The following PYROXD2 variants were observed in gnomAD, a reference collection of about 807,000 sequenced individuals.
PYROXD2 encodes the protein pyridine nucleotide-disulfide oxidoreductase domain-containing protein 2.
PYROXD2 carries 69 observed loss-of-function variants against 71.1 expected under a neutral mutation model. The observed-to-expected ratio is 0.97, with a 90% CI of 0.80 to 1.19. The LOEUF (loss-of-function observed/expected upper bound fraction) is 1.19, where lower values mean the gene tolerates loss of function less well. PYROXD2 is among the 50% of genes most tolerant of loss of function. The pLI is 0.00. For missense variants in PYROXD2, 745 were observed against 748.9 expected, an observed-to-expected ratio of 0.99 and a Z score of 0.06; for synonymous variants, 287 against 302.7, an observed-to-expected ratio of 0.95 and a Z score of 0.54.
At chr10:98,387,450 T>C (rs1241731571) in intron 13 of PYROXD2, 143 bp from the exon 14 acceptor site, 4 of 614,320 alleles carry the variant, frequency 6.5e-6, no homozygotes, top group African/African-American at 3.7e-5. Flanking sequence ...TATACCTCAA[T>C]AGGTGAAAAA....
At position 98,390,678 on chromosome 10, in the gene PYROXD2, G is replaced by A; in HGVS notation, c.1212C>T (p.Cys404=). The part of the protein sequence containing the change: ...PRGQPLPHHQ[C]SIHLNCEDTL... ...TGTCTTCACAGTTCAGGTGGATGGAGCATTGGTGATGGGGCAGCGGCTGGC... is the reference window on the plus strand; with the variant it reads ...TGTCTTCACAGTTCAGGTGGATGGAACATTGGTGATGGGGCAGCGGCTGGC... Residue 404 remains cysteine, a synonymous_variant, in exon 12 of 16, where the codon TGC becomes TGT. Coordinates refer to ENST00000370575, the MANE Select transcript of PYROXD2 (RefSeq NM_032709.3). The A allele has an allele frequency of 3.1e-6, 5 of 1,613,248 alleles. No homozygotes were observed. The highest frequency in any genetic ancestry group is 4.2e-6 in the Non-Finnish European group (5 of 1,179,516).
intron 10 of PYROXD2, among the ~76,000 whole-genome samples, chr10:98,391,793 TGGA>T (rs1468087129): frequency 6.6e-6 from 1 of 152,184 alleles, no homozygotes; most frequent in Admixed American, 6.5e-5. Context: ...ACTACCGTGC[TGGA>T]GGAGGACAGA....
intron 7 of PYROXD2, 29 bp from the exon 8 acceptor site, chr10:98,395,322 C>T (rs770314323): frequency 1.5e-5 from 25 of 1,613,838 alleles, no homozygotes; most frequent in Non-Finnish European, 1.9e-5. Flanking sequence ...GAGAGAAGGG[C>T]TTAGGAGCCT....
intron 6 of PYROXD2, 117 bp downstream of exon 6, chr10:98,397,228 A>G (rs1031208793): frequency 7.2e-6 from 10 of 1,380,162 alleles, no homozygotes; most frequent in Non-Finnish European, 9.7e-6. Context: ...CAGCATGTTA[A>G]CTGATCCCAG....
At chr10:98,399,871 C>T (rs1190979248) in intron 5 of PYROXD2, among the ~76,000 whole-genome samples, 1 of 152,220 alleles carries the variant, frequency 6.6e-6, no homozygotes, top group Non-Finnish European at 1.5e-5. Context: ...ATACTGAACA[C>T]ACGCAGGTGA....
chr10:98,397,571 CA>C (rs370056081), intron 5 of PYROXD2, 73 bp from the exon 6 acceptor site: 1 of 1,452,124 alleles, frequency 6.9e-7, no homozygotes, highest in Non-Finnish European at 9.1e-7. Context: ...GATGGCCTGT[CA>C]CCCCCCCACA....
chr10:98,388,808 C>T (rs1423956994), intron 12 of PYROXD2, among the ~76,000 whole-genome samples: 4 of 152,060 alleles, frequency 2.6e-5, no homozygotes, highest in Non-Finnish European at 1.5e-5. Flanking sequence ...AAGGTCCACA[C>T]AGACAGTGGG....
chr10:98,387,804 TTA>T (rs1450581248), intron 13 of PYROXD2: 1 of 173,536 alleles, frequency 5.8e-6, no homozygotes, highest in Non-Finnish European at 1.2e-5. Context: ...GCTAATTTTT[TTA>T]TGTTTTTAGT....
At chr10:98,392,616 T>C (rs6584192) in intron 9 of PYROXD2, 50 bp from the exon 10 acceptor site, 17 of 1,599,092 alleles carry the variant, frequency 1.1e-5, no homozygotes, top group Admixed American at 1.7e-5. Context: ...GGGAAATCCA[T>C]GTTAGATCTT....
intron 10 of PYROXD2, 125 bp from the exon 11 acceptor site, chr10:98,391,207 C>G: frequency 1.5e-6 from 1 of 689,190 alleles, no homozygotes; most frequent in Non-Finnish European, 2.6e-6. Context: ...CTTCAAAGCT[C>G]AGCCAAAACC....
At chr10:98,385,524 GC>G (rs1407103257) in intron 14 of PYROXD2, among the ~76,000 whole-genome samples, 1 of 152,204 alleles carries the variant, frequency 6.6e-6, no homozygotes, top group African/African-American at 2.4e-5. Context: ...GCACGGTTCT[GC>G]CCCCCTGGCT....
intron 1 of PYROXD2, among the ~76,000 whole-genome samples, chr10:98,412,221 T>C (rs1843810718): frequency 6.6e-6 from 1 of 152,240 alleles, no homozygotes; most frequent in Non-Finnish European, 1.5e-5. Context: ...AGTTCAATCA[T>C]GGCAGACCTC....
intron 12 of PYROXD2, among the ~76,000 whole-genome samples, chr10:98,389,776 C>T (rs1842886007): frequency 1.3e-5 from 2 of 152,190 alleles, no homozygotes; most frequent in South Asian, 2.1e-4. Context: ...ATCATCAGTG[C>T]TTACTTGTTG....
chr10:98,402,427 T>C (rs1843446138), intron 4 of PYROXD2, among the ~76,000 whole-genome samples: 1 of 152,250 alleles, frequency 6.6e-6, no homozygotes, highest in Admixed American at 6.5e-5. Context: ...ACAAGGTAGA[T>C]AAATTATTCA....
intron 15 of PYROXD2, among the ~76,000 whole-genome samples, chr10:98,384,220 C>G (rs1397142220): frequency 6.7e-6 from 1 of 148,570 alleles, no homozygotes; most frequent in African/African-American, 2.5e-5. Context: ...GGTACCAAGT[C>G]TACACAGCTG....
At chr10:98,397,934 G>A (rs996679662) in intron 5 of PYROXD2, among the ~76,000 whole-genome samples, 1 of 148,484 alleles carries the variant, frequency 6.7e-6, no homozygotes, top group African/African-American at 2.5e-5. Context: ...CCAGGCTGGA[G>A]GGCAGTGGTG....
intron 6 of PYROXD2, 70 bp downstream of exon 6, chr10:98,397,275 G>C (rs1843220339): frequency 6.7e-7 from 1 of 1,485,756 alleles, no homozygotes; most frequent in Non-Finnish European, 9.0e-7. Flanking sequence ...CTTGTGTCTA[G>C]GCATCGAGAC....
chr10:98,402,979 C>T (rs190864187), intron 4 of PYROXD2, among the ~76,000 whole-genome samples: 2 of 152,312 alleles, frequency 1.3e-5, no homozygotes, highest in East Asian at 1.9e-4. Context: ...GAAATGAGAT[C>T]GGAGAGTAGA....
chr10:98,392,966 A>G lies in PYROXD2; in HGVS notation c.903T>C (p.His301=), dbSNP rs1842997609. Residue 301 remains histidine (H), a synonymous_variant, in exon 9 of 16, where the codon CAT becomes CAC. Transcript: ENST00000370575. Reference sequence around the variant, plus strand: ...CCTTTTCAGTGAAGATGCTTGCTCCATGTGTGGTGGCTGAGCTTGCGATCG... The same window carrying G: ...CCTTTTCAGTGAAGATGCTTGCTCCGTGTGTGGTGGCTGAGCTTGCGATCG... ...SDAIASSATT[H]GASIFTEKTV... 1 of 1,613,888 alleles carries G rather than the reference A, an allele frequency of 6.2e-7. No individual in the cohort carries two copies. The highest frequency in any genetic ancestry group is 8.5e-7 in the Non-Finnish European group (1 of 1,179,878).
Sources: allele counts gnomAD v4.1 joint callset (sites outside exome capture counted in the v4.1 genomes callset), GRCh38; gene constraint gnomAD v4.1.1; transcripts MANE v1.5; gene names NCBI Gene and HGNC (gene_info 2026-07-23, HGNC 2026-07-21).